SYT5: variants seen among roughly 807,000 people sequenced by gnomAD.
The protein encoded by SYT5 is synaptotagmin 5.
A neutral mutation model predicts 36.0 loss-of-function variants in SYT5; 29 were observed. The ratio of observed to expected loss-of-function variants is 0.81; its 90% CI spans 0.60 to 1.10. The LOEUF (loss-of-function observed/expected upper bound fraction) is 1.10, where lower values mean the gene tolerates loss of function less well. Among genes scored for constraint, SYT5 ranks in the 50% least tolerant of loss-of-function variants. The pLI, the probability that SYT5 is intolerant of heterozygous loss-of-function variation, is 0.00. For missense variants in SYT5, 512 were observed against 516.0 expected, an observed-to-expected ratio of 0.99 and a Z score of 0.08; for synonymous variants, 231 against 227.6, an observed-to-expected ratio of 1.02 and a Z score of -0.14.
rs897532203 is a variant in SYT5 at position 55,180,134 on chromosome 19, G to A, written c.-63C>T. ...GCTCCTACCTGCTCGGCGGCTGGAC[G>A]GGACACTCCCGGGAGACGCCGAGGC... On this transcript the variant is annotated 5_prime_UTR_variant, in exon 1 of 9. Transcript: ENST00000354308. The A allele has an allele frequency of 6.6e-6, 1 of 152,382 alleles. No individual in the cohort carries two copies. Among genetic ancestry groups the A allele is most frequent in the Admixed American group, 6.5e-5 (1 of 15,292 alleles). 9.4% of individuals were successfully genotyped at this position (152,382 alleles called of 1,614,324 possible).
Position 55,175,731 on chromosome 19 carries a change from A to G in SYT5, c.518T>C (p.Phe173Ser). 3 of 1,613,880 alleles carry G rather than the reference A, an allele frequency of 1.9e-6. No homozygotes were observed. Among genetic ancestry groups the G allele is most frequent in the South Asian group, 1.1e-5 (1 of 91,080 alleles). The change falls in exon 5 of 9, where the codon TTT becomes TCT. Residue 173 changes from phenylalanine to serine, a missense_variant. By Grantham distance (155) the Phe-to-Ser change is radical. Coordinates refer to ENST00000354308, the MANE Select transcript of SYT5 (RefSeq NM_003180.3). This position sits in a 1 kb window ranked among gnomAD's most constrained non-coding sequence, Gnocchi z 4.5. ...CACCTTGAAGGCGAAGGTCTCCCCA[A>G]AGTGAGGGTTCAGCGTCTGCCGATG... is the stretch of plus-strand genomic sequence containing the variant. ...KVHRQTLNPH[F>S]GETFAFKVPY...
Position 55,179,010 on chromosome 19 carries a change from G to C in SYT5, c.32C>G (p.Pro11Arg). MFPEPPTPGP[P>R]SPDTPPDSSR... ...GGAGTCGGGAGGCGTGTCGGGCGATGGAGGCCCCGGGGTTGGGGGCTCCGG... is the reference window on the plus strand; with the variant it reads ...GGAGTCGGGAGGCGTGTCGGGCGATCGAGGCCCCGGGGTTGGGGGCTCCGG... The change falls in exon 2 of 9, where the codon CCA (proline) becomes CGA (arginine). Residue 11 changes from proline (P) to arginine (R), a missense_variant. Coordinates refer to ENST00000354308, the MANE Select transcript of SYT5 (RefSeq NM_003180.3). This position sits in a 1 kb window ranked among gnomAD's most constrained non-coding sequence, Gnocchi z 4.5. 1 of 1,601,256 alleles carries C rather than the reference G, an allele frequency of 6.2e-7. No individual in the cohort carries two copies. Among genetic ancestry groups the C allele is most frequent in the Non-Finnish European group, 8.5e-7 (1 of 1,174,332 alleles).
chr19:55,174,468 G>T (rs1201253937), intron 8 of SYT5, 49 bp downstream of exon 8: 11 of 1,593,610 alleles, frequency 6.9e-6, no homozygotes, highest in Non-Finnish European at 9.4e-6. Flanking sequence ...CCTAGCAATG[G>T]CGATTACTAA....
In SYT5 at chr19:55,175,394, G is replaced by A. The variant is rs2086064433; in HGVS notation, c.541-55C>T. 1 of 1,477,930 alleles carries A rather than the reference G, an allele frequency of 6.8e-7. No individual in the cohort carries two copies. The highest frequency in any genetic ancestry group is 9.0e-7 in the Non-Finnish European group (1 of 1,117,208). The allele number at this position is 1,477,930 out of a possible 1,614,324, so 91.6% of individuals were successfully genotyped here. A position where few individuals can be genotyped will look rare whatever the true frequency, so the allele number is the denominator to read the frequency against. ...AGCAGGAAGTCAGAGATAGGGTGAGGCACAGCACAACCAGAAGGAAGGCAT... is the reference window on the plus strand; with the variant it reads ...AGCAGGAAGTCAGAGATAGGGTGAGACACAGCACAACCAGAAGGAAGGCAT... On this transcript the variant is annotated intron_variant, in intron 5 of 8. Coordinates refer to ENST00000354308, the MANE Select transcript of SYT5 (RefSeq NM_003180.3). This position sits in a 1 kb window ranked among gnomAD's most constrained non-coding sequence, Gnocchi z 4.5.
Position 55,175,478 on chromosome 19 carries a change from G to C in SYT5, c.541-139C>G. 1 of 1,142,394 alleles carries C rather than the reference G, an allele frequency of 8.8e-7. No homozygotes were observed. The highest frequency in any genetic ancestry group is 1.2e-6 in the Non-Finnish European group (1 of 829,162). 70.8% of individuals were successfully genotyped at this position (1,142,394 alleles called of 1,614,324 possible). A position where few individuals can be genotyped will look rare whatever the true frequency, so the allele number is the denominator to read the frequency against. ...GGGGGAACTCAAATGGGAAAGTCCA[G>C]GGATCCATGCGGAAAAAAATCACGG... On this transcript the variant is annotated intron_variant, in intron 5 of 8. Transcript: ENST00000354308. This position sits in a 1 kb window ranked among gnomAD's most constrained non-coding sequence, Gnocchi z 4.5.
chr19:55,174,370 C>A, intron 8 of SYT5, 147 bp downstream of exon 8: 1 of 1,098,996 alleles, frequency 9.1e-7, no homozygotes, highest in Non-Finnish European at 1.3e-6. Context: ...AAGAGGCTTC[C>A]TGGTCCTCAT....
rs2086054237 is a variant in SYT5, at chr19:55,174,922, C to T, written c.786G>A (p.Glu262=). ...CGTCCATCTTCTTCAGGTTTTTAGC[C>T]TCCAGGACGATGACGGTGAGCTTCC... The part of the protein sequence containing the change: ...TAGKLTVIVL[E]AKNLKKMDVG... The change falls in exon 7 of 9, where the codon GAG becomes GAA. Residue 262 remains glutamate, a synonymous_variant. Transcript: ENST00000354308. The T allele has an allele frequency of 1.2e-6, 2 of 1,614,176 alleles. No individual in the cohort carries two copies. Among genetic ancestry groups the T allele is most frequent in the Non-Finnish European group, 1.7e-6 (2 of 1,180,020 alleles).
At position 55,178,985 on chromosome 19, in the gene SYT5, G is replaced by A; in HGVS notation, c.57C>T (p.Ser19=). Residue 19 remains serine, a synonymous_variant, in exon 2 of 9, where the codon TCC becomes TCT. Transcript: ENST00000354308. ...CACCTGGGCCGTGGCTGATGCGACT[G>A]GAGTCGGGAGGCGTGTCGGGCGATG... ...GPPSPDTPPD[S]SRISHGPVPP... 1 of 1,578,564 alleles carries A rather than the reference G, an allele frequency of 6.3e-7. No individual in the cohort carries two copies. Among genetic ancestry groups the A allele is most frequent in the Non-Finnish European group, 8.6e-7 (1 of 1,162,764 alleles).
In SYT5 at chr19:55,174,870, C is replaced by T. The variant is rs2147328106; in HGVS notation, c.826+12G>A. On this transcript the variant is annotated intron_variant, in intron 7 of 8. Coordinates refer to ENST00000354308, the MANE Select transcript of SYT5 (RefSeq NM_003180.3). ...CATCCCCACACACCCCACTCCCTTG[C>T]TTCCCACACACCTGACAGTCCTCCT... 6.2e-7 allele frequency: 1 copy of T among 1,613,334 alleles called. No homozygotes were observed. The highest frequency in any genetic ancestry group is 2.2e-5 in the East Asian group (1 of 44,872).
At position 55,178,753 on chromosome 19, in the gene SYT5, A is replaced by ATTT. The variant is rs5828614; in HGVS notation, c.79+207_79+209dup. On this transcript the variant is annotated intron_variant, in intron 2 of 8. Coordinates refer to ENST00000354308, the MANE Select transcript of SYT5 (RefSeq NM_003180.3). ...TGCAACACCCCTTGATCCGGTTTCG[A>ATTT]TTTTTTTTTTTTTTTTTTTTTTTTT... is the stretch of plus-strand genomic sequence containing the variant. 1.2e-3 allele frequency among the ~76,000 whole-genome samples: 59 copies of ATTT among 50,482 alleles called. 5 individuals are homozygous for ATTT. Among genetic ancestry groups the ATTT allele is most frequent in the South Asian group, 6.6e-3 (9 of 1,372 alleles). The allele number at this position is 50,482 out of a possible 152,430, so 33.1% of individuals were successfully genotyped here.
In SYT5 at chr19:55,178,970, G is replaced by A. The variant is rs769632419; in HGVS notation, c.72C>T (p.His24=). 13 of 1,560,062 alleles carry A rather than the reference G, an allele frequency of 8.3e-6. No homozygotes were observed. Among genetic ancestry groups the A allele is most frequent in the African/African-American group, 4.1e-5 (3 of 72,566 alleles). ...DTPPDSSRIS[H]GPVPPWALAT... is the part of the protein sequence containing the mutation. ...CCCCCGGGTCTTGCTCACCTGGGCCGTGGCTGATGCGACTGGAGTCGGGAG... is the reference window on the plus strand; with the variant it reads ...CCCCCGGGTCTTGCTCACCTGGGCCATGGCTGATGCGACTGGAGTCGGGAG... Residue 24 remains histidine (H), a synonymous_variant, in exon 2 of 9, where the codon CAC becomes CAT. Transcript: ENST00000354308.
At chr19:55,176,699 G>C (rs971623373) in intron 3 of SYT5, among the ~76,000 whole-genome samples, 2 of 152,194 alleles carry the variant, frequency 1.3e-5, no homozygotes, top group Non-Finnish European at 2.9e-5. Context: ...AGGTGCTAGT[G>C]CCAGAATTTG....
At position 55,173,797 on chromosome 19, in the gene SYT5, G is replaced by A. The variant is rs1373405489; in HGVS notation, c.961-113C>T. On this transcript the variant is annotated intron_variant, in intron 8 of 8. Coordinates refer to ENST00000354308, the MANE Select transcript of SYT5 (RefSeq NM_003180.3). This position sits in a 1 kb window ranked among gnomAD's most constrained non-coding sequence, Gnocchi z 5.4. ...ACCTCTCGCTGCCACCCGAGGGCTC[G>A]GGGCCCCGGAGCTCGGGACGGGGGA... 3.4e-6 allele frequency: 4 copies of A among 1,191,274 alleles called. No homozygotes were observed. Among genetic ancestry groups the A allele is most frequent in the Admixed American group, 4.2e-5 (1 of 23,644 alleles). 73.8% of individuals were successfully genotyped at this position (1,191,274 alleles called of 1,614,324 possible). A position where few individuals can be genotyped will look rare whatever the true frequency, so the allele number is the denominator to read the frequency against.
chr19:55,176,172 G>T, intron 3 of SYT5, 48 bp from the exon 4 acceptor site: 1 of 1,611,892 alleles, frequency 6.2e-7, no homozygotes. Context: ...CCTGATAGCA[G>T]TATCCATCAG....
At chr19:55,174,137 ATCCTGGTCC>A in intron 8 of SYT5, 1 of 208,780 alleles carries the variant, frequency 4.8e-6, no homozygotes, top group African/African-American at 2.3e-5. Context: ...GGAGTGGGGC[ATCCTGGTCC>A]CGCTTGGGGG....
At position 55,179,472 on chromosome 19, in the gene SYT5, G is replaced by A. The variant is rs1178195804; in HGVS notation, c.-45-386C>T. 5.7e-6 allele frequency: 2 copies of A among 351,324 alleles called. No homozygotes were observed. The highest frequency in any genetic ancestry group is 1.0e-5 in the Non-Finnish European group (2 of 195,480). 21.8% of individuals were successfully genotyped at this position (351,324 alleles called of 1,614,324 possible). On this transcript the variant is annotated intron_variant, in intron 1 of 8. Transcript: ENST00000354308. This position sits in a 1 kb window ranked among gnomAD's most constrained non-coding sequence, Gnocchi z 4.5. ...TGCCCGGGCAACGGGTTGTTGCCAG[G>A]ACAACGGGCGGGGCTGACGCACAGA...
At position 55,173,013 on chromosome 19, in the gene SYT5, C is replaced by T. The variant is rs908271564; in HGVS notation, c.*471G>A. ...CAGGACGAACAGCACTCACACCGCC[C>T]TGCGAGCGCCCATTCCTGGAAACGA... On this transcript the variant is annotated 3_prime_UTR_variant, in exon 9 of 9. Coordinates refer to ENST00000354308, the MANE Select transcript of SYT5 (RefSeq NM_003180.3). The surrounding 1 kb of genome is among the most constrained non-coding windows in gnomAD (Gnocchi z 5.4). 1 of 156,398 alleles carries T rather than the reference C, an allele frequency of 6.4e-6. No homozygotes were observed. The highest frequency in any genetic ancestry group is 1.4e-5 in the Non-Finnish European group (1 of 70,896). 9.7% of individuals were successfully genotyped at this position (156,398 alleles called of 1,614,324 possible).
chr19:55,175,488 C>G lies in SYT5; in HGVS notation c.541-149G>C, dbSNP rs1325606179. 8 of 1,131,034 alleles carry G rather than the reference C, an allele frequency of 7.1e-6. No individual in the cohort carries two copies. The highest frequency in any genetic ancestry group is 2.9e-5 in the Admixed American group (1 of 34,352). 70.1% of individuals were successfully genotyped at this position (1,131,034 alleles called of 1,614,324 possible). On this transcript the variant is annotated intron_variant, in intron 5 of 8. Transcript: ENST00000354308. This position sits in a 1 kb window ranked among gnomAD's most constrained non-coding sequence, Gnocchi z 4.5. ...AAATGGGAAAGTCCAGGGATCCATG[C>G]GGAAAAAAATCACGGGTCAGTGGAA... is the stretch of plus-strand genomic sequence containing the variant.
intron 3 of SYT5, among the ~76,000 whole-genome samples, chr19:55,177,722 G>A (rs2086092331): frequency 6.6e-6 from 1 of 152,024 alleles, no homozygotes; most frequent in South Asian, 2.1e-4. Flanking sequence ...ACCATGGCTG[G>A]CTTTTGTATT....
Sources: allele counts gnomAD v4.1 joint callset (sites outside exome capture counted in the v4.1 genomes callset), GRCh38; gene constraint gnomAD v4.1.1; non-coding constraint Gnocchi (gnomAD v3.1); transcripts MANE v1.5; gene names NCBI Gene and HGNC (gene_info 2026-07-23, HGNC 2026-07-21).